Variants in VPS13D observed in about 807,000 individuals in gnomAD.
VPS13D encodes the protein intermembrane lipid transfer protein VPS13D.
In VPS13D, 187 loss-of-function variants were observed where a neutral mutation model predicts 461.9. The ratio of observed to expected loss-of-function variants is 0.40; its 90% CI spans 0.36 to 0.46. The LOEUF is 0.46. Among genes scored for constraint, VPS13D ranks in the 20% least tolerant of loss-of-function variants. The pLI is 0.60. For synonymous variants in VPS13D, 1,951 were observed against 1,986.3 expected, an observed-to-expected ratio of 0.98 and a Z score of 0.47; for missense variants, 4,711 against 5,364.9, an observed-to-expected ratio of 0.88 and a Z score of 3.81.
At chr1:12,272,893 TC>T in intron 17 of VPS13D, 109 bp from the exon 18 acceptor site, 1 of 1,451,574 alleles carries the variant, frequency 6.9e-7, no homozygotes, top group Non-Finnish European at 9.2e-7. Context: ...ATACATTAGA[TC>T]ACTGAGTCAC....
chr1:12,476,085 C>T (rs1645627634), intron 67 of VPS13D, among the ~76,000 whole-genome samples: 1 of 152,142 alleles, frequency 6.6e-6, no homozygotes, highest in Non-Finnish European at 1.5e-5. Context: ...ACAGGCAAAC[C>T]ACAGAATGTA....
intron 7 of VPS13D, among the ~76,000 whole-genome samples, chr1:12,254,692 G>A (rs767759641): frequency 1.3e-4 from 19 of 150,972 alleles, no homozygotes; most frequent in Non-Finnish European, 2.7e-4. Flanking sequence ...CCCAGCTAAT[G>A]TTTGTATTTT....
At chr1:12,492,169 G>C (rs890591685) in intron 67 of VPS13D, among the ~76,000 whole-genome samples, 1 of 152,254 alleles carries the variant, frequency 6.6e-6, no homozygotes, top group African/African-American at 2.4e-5. Flanking sequence ...AGGCCTAACA[G>C]TGGTGGGCCT....
chr1:12,364,264 C>A (rs539673337), intron 52 of VPS13D, among the ~76,000 whole-genome samples: 1 of 152,068 alleles, frequency 6.6e-6, no homozygotes, highest in Non-Finnish European at 1.5e-5. Flanking sequence ...TACTTGGTGT[C>A]TATAAATTTG....
intron 57 of VPS13D, among the ~76,000 whole-genome samples, chr1:12,381,982 C>CTT (rs1553185971): frequency 0.011 from 1,414 of 123,322 alleles, 6 homozygotes; most frequent in Admixed American, 0.03. Flanking sequence ...TTCTTTCTTT[C>CTT]TCTCTCTCTC....
chr1:12,436,476 C>G (rs1645061897), intron 65 of VPS13D, among the ~76,000 whole-genome samples: 1 of 152,128 alleles, frequency 6.6e-6, no homozygotes, highest in African/African-American at 2.4e-5. Context: ...AGGAGCTGGC[C>G]TAGTGGGGAA....
At chr1:12,333,388 A>G (rs377170907) in intron 38 of VPS13D, 22 bp downstream of exon 38, 6 of 1,613,134 alleles carry the variant, frequency 3.7e-6, no homozygotes, top group Admixed American at 1.7e-5. Context: ...GTTGTCTTTC[A>G]TAGACTGATA....
At chr1:12,307,860 A>AT (rs1642611639) in intron 26 of VPS13D, among the ~76,000 whole-genome samples, 1 of 152,076 alleles carries the variant, frequency 6.6e-6, no homozygotes, top group Admixed American at 6.6e-5. Flanking sequence ...TGGACTGTTT[A>AT]TTTTTTTAAG....
In VPS13D at chr1:12,283,736, G is replaced by A. The variant is rs774609493; in HGVS notation, c.5634G>A (p.Lys1878=). Residue 1878 remains lysine (K), a splice_region_variant and synonymous_variant, in exon 21 of 70, where the codon AAG becomes AAA. Coordinates refer to ENST00000620676, the MANE Select transcript of VPS13D (RefSeq NM_015378.4). ...QDPVNTKLDL[K]VHSLSLVLNK... ...CAGTGAACACCAAACTGGATCTCAA[G>A]GTATCCTCAGTTCCCTTTGGCTCCC... The A allele has an allele frequency of 1.9e-6, 3 of 1,609,784 alleles. No homozygotes were observed. The African/African-American group carries it at 4.0e-5, about 22-fold the overall frequency.
intron 47 of VPS13D, among the ~76,000 whole-genome samples, chr1:12,355,238 C>T (rs922008116): frequency 6.6e-6 from 1 of 152,188 alleles, no homozygotes; most frequent in Non-Finnish European, 1.5e-5. Context: ...ATTAAGTTAG[C>T]TGGCAGTTCA....
chr1:12,328,359 CTTTTTTTTTT>C (rs71570103), intron 36 of VPS13D, among the ~76,000 whole-genome samples: 1 of 134,230 alleles, frequency 7.4e-6, no homozygotes, highest in Non-Finnish European at 1.6e-5. Flanking sequence ...GTACTCTATC[CTTTTTTTTTT>C]TTTTTTTTAC....
At chr1:12,366,067 T>A (rs867442027) in intron 52 of VPS13D, among the ~76,000 whole-genome samples, 26 of 144,044 alleles carry the variant, frequency 1.8e-4, no homozygotes, top group African/African-American at 2.3e-4. Flanking sequence ...CTGGCTAATT[T>A]AAAAAAAAAA....
At chr1:12,322,137 C>G (rs762501504) in intron 33 of VPS13D, among the ~76,000 whole-genome samples, 173 bp downstream of exon 33, 42 of 152,234 alleles carry the variant, frequency 2.8e-4, no homozygotes, top group Non-Finnish European at 1.8e-4. Flanking sequence ...GCGATCTCGG[C>G]TCACTGCAAG....
At chr1:12,406,728 G>C (rs1431611969) in intron 63 of VPS13D, among the ~76,000 whole-genome samples, 1 of 152,192 alleles carries the variant, frequency 6.6e-6, no homozygotes, top group Non-Finnish European at 1.5e-5. Flanking sequence ...TTGCGTGTTA[G>C]AAAGTGGCCG....
At chr1:12,368,643 G>A in intron 53 of VPS13D, 52 bp downstream of exon 53, 1 of 1,587,318 alleles carries the variant, frequency 6.3e-7, no homozygotes, top group Non-Finnish European at 8.6e-7. Flanking sequence ...TGGGAGGGTG[G>A]AGTGTGTACT....
chr1:12,356,328 C>A, intron 48 of VPS13D, 70 bp from the exon 49 acceptor site: 1 of 1,527,080 alleles, frequency 6.5e-7, no homozygotes, highest in Non-Finnish European at 8.8e-7. Context: ...TGGTTTTATT[C>A]ATTCACCATT....
At chr1:12,452,120 C>T (rs1192647478) in intron 65 of VPS13D, among the ~76,000 whole-genome samples, 1 of 152,194 alleles carries the variant, frequency 6.6e-6, no homozygotes, top group Non-Finnish European at 1.5e-5. Flanking sequence ...AGACAGAAAC[C>T]ACTTCTGATT....
rs372472033 is a variant in VPS13D at position 12,416,717 on chromosome 1, A to G, written c.12223A>G (p.Met4075Val). The G allele has an allele frequency of 2.7e-5, 44 of 1,613,890 alleles. No homozygotes were observed. The highest frequency in any genetic ancestry group is 3.2e-5 in the Non-Finnish European group (38 of 1,179,992). ...ATCAGTGGATTTTCTTGGCAATCCT[A>G]TGGGGCTTTTGAATGATGTTTCTGA... ...LGSVDFLGNP[M>V]GLLNDVSEGV... is the part of the protein sequence containing the mutation. Residue 4075 changes from methionine to valine, a missense_variant, in exon 65 of 70, where the codon ATG becomes GTG. Transcript: ENST00000620676.
intron 65 of VPS13D, among the ~76,000 whole-genome samples, chr1:12,424,630 A>C (rs1002142789): frequency 6.6e-6 from 1 of 152,006 alleles, no homozygotes; most frequent in Non-Finnish European, 1.5e-5. Flanking sequence ...CCCCTTTTCC[A>C]CCCTAATCAG....
Sources: gnomAD v4.1 joint callset for allele counts (sites outside exome capture counted in the v4.1 genomes callset) on GRCh38, gnomAD v4.1.1 for gene constraint, MANE v1.5 for transcripts, NCBI Gene and HGNC (gene_info 2026-07-23, HGNC 2026-07-21) for gene names.